Variants in TBC1D15 observed in about 807,000 individuals in gnomAD.
The protein encoded by TBC1D15 is GAP for RAB7.
A neutral mutation model predicts 95.4 loss-of-function variants in TBC1D15; 39 were observed. The observed-to-expected ratio is 0.41, with a 90% confidence interval of 0.32 to 0.53. The LOEUF (loss-of-function observed/expected upper bound fraction) is 0.53, where lower values mean the gene tolerates loss of function less well. Ranked by LOEUF, TBC1D15 falls within the 20% of genes least tolerant of loss-of-function variation. The pLI is 0.29. For synonymous variants in TBC1D15, 258 were observed against 261.3 expected, an observed-to-expected ratio of 0.99 and a Z score of 0.12; for missense variants, 733 against 794.3, an observed-to-expected ratio of 0.92 and a Z score of 0.93.
rs541627199 is a variant in TBC1D15, at chr12:71,885,158, A to G, written c.554+137A>G. 5 of 731,888 alleles carry G rather than the reference A, an allele frequency of 6.8e-6. No individual in the cohort carries two copies. The Admixed American group carries it at 1.1e-4, about 16-fold the overall frequency. The allele number at this position is 731,888 out of a possible 1,614,324, so 45.3% of individuals were successfully genotyped here. On this transcript the variant is annotated intron_variant, in intron 5 of 16. Coordinates refer to ENST00000485960, the MANE Select transcript of TBC1D15 (RefSeq NM_001146213.3). ...TGAACAGCTTAGTTTTTTCTGGGAT[A>G]TTGATTTCTTTGGAACAATGACTGA...
At chr12:71,903,775 G>A (rs1313484544) in intron 10 of TBC1D15, among the ~76,000 whole-genome samples, 1 of 152,168 alleles carries the variant, frequency 6.6e-6, no homozygotes, top group Non-Finnish European at 1.5e-5. Context: ...AATACCACAT[G>A]TTCTCACTAC....
intron 1 of TBC1D15, among the ~76,000 whole-genome samples, chr12:71,870,265 T>C (rs1345955430): frequency 6.6e-6 from 1 of 152,192 alleles, no homozygotes; most frequent in Non-Finnish European, 1.5e-5. Context: ...TCCTTCTCCT[T>C]CCTCTAACAT....
chr12:71,891,805 C>G (rs1394643997), intron 5 of TBC1D15, among the ~76,000 whole-genome samples: 1 of 152,076 alleles, frequency 6.6e-6, no homozygotes, highest in Non-Finnish European at 1.5e-5. Context: ...TTAGTGGCCA[C>G]TGTTTAAGAT....
At position 71,907,005 on chromosome 12, in the gene TBC1D15, A is replaced by T; in HGVS notation, c.1184-17A>T. 1 of 1,513,732 alleles carries T rather than the reference A, an allele frequency of 6.6e-7. No individual in the cohort carries two copies. The highest frequency in any genetic ancestry group is 1.2e-5 in the South Asian group (1 of 82,744). The allele number at this position is 1,513,732 out of a possible 1,614,324, so 93.8% of individuals were successfully genotyped here. On this transcript the variant is annotated splice_polypyrimidine_tract_variant and intron_variant, in intron 10 of 16. Transcript: ENST00000485960. ...TTTTTGGAAGCTTTTCAAATATGTG[A>T]TGATTTTCCTCTTCAGAAAAAGATG...
rs201471598 is a variant in TBC1D15, at chr12:71,907,071, A to G, written c.1233A>G (p.Gln411=). ...TDRTNKFYEG[Q]DNPGLILLHD... ...GAACAAACAAGTTTTATGAAGGCCA[A>G]GATAATCCAGGGTTGATTTTACTTC... Residue 411 remains glutamine, a synonymous_variant, in exon 11 of 17, where the codon CAA becomes CAG. Transcript: ENST00000485960. 1.2e-5 allele frequency: 20 copies of G among 1,612,300 alleles called. No homozygotes were observed. The highest frequency in any genetic ancestry group is 1.7e-5 in the Non-Finnish European group (20 of 1,179,178).
Position 71,897,932 on chromosome 12 carries a change from A to G in TBC1D15, c.1174A>G (p.Ser392Gly). The change falls in exon 10 of 17, where the codon AGT (serine) becomes GGT (glycine). Residue 392 changes from serine to glycine, a missense_variant. Transcript: ENST00000485960. ...AAATTCGAGGTTAAGAGATTATAGAAGTCTTATCGGTAATTTTTTCTTAAC... is the reference window on the plus strand; with the variant it reads ...AAATTCGAGGTTAAGAGATTATAGAGGTCTTATCGGTAATTTTTTCTTAAC... ...KRNSRLRDYRSLIEKDVNRTD... is the reference protein window; with the variant it reads ...KRNSRLRDYRGLIEKDVNRTD... 2 of 1,611,370 alleles carry G rather than the reference A, an allele frequency of 1.2e-6. No individual in the cohort carries two copies. Among genetic ancestry groups the G allele is most frequent in the South Asian group, 1.1e-5 (1 of 90,858 alleles).
At chr12:71,891,159 C>T (rs1015217285) in intron 5 of TBC1D15, among the ~76,000 whole-genome samples, 1 of 152,132 alleles carries the variant, frequency 6.6e-6, no homozygotes. Context: ...ATTGGTCATT[C>T]TCAATAGAAA....
chr12:71,889,978 CT>C (rs1440331618), intron 5 of TBC1D15, among the ~76,000 whole-genome samples: 2 of 152,098 alleles, frequency 1.3e-5, no homozygotes, highest in Non-Finnish European at 2.9e-5. Flanking sequence ...TGGTCTCATT[CT>C]TTTTATGGCT....
intron 1 of TBC1D15, among the ~76,000 whole-genome samples, chr12:71,852,544 A>G (rs186770343): frequency 6.6e-6 from 1 of 152,312 alleles, no homozygotes; most frequent in African/African-American, 2.4e-5. Context: ...CCTTTTAAAT[A>G]TAAGTTCCAG....
At chr12:71,913,240 A>G (rs1334958636) in intron 11 of TBC1D15, 1 of 152,278 alleles carries the variant, frequency 6.6e-6, no homozygotes, top group Non-Finnish European at 1.5e-5. Context: ...AGATATGACT[A>G]TTTAAAAGAG....
chr12:71,922,318 C>G (rs1869707793), intron 16 of TBC1D15, among the ~76,000 whole-genome samples: 1 of 152,056 alleles, frequency 6.6e-6, no homozygotes, highest in South Asian at 2.1e-4. Context: ...TTCCTGACTT[C>G]AGGTGATCCA....
chr12:71,877,009 C>T (rs1893985320), intron 3 of TBC1D15, among the ~76,000 whole-genome samples: 3 of 151,906 alleles, frequency 2.0e-5, no homozygotes, highest in Admixed American at 2.0e-4. Context: ...CAAGGTTTCA[C>T]CATGTTGGCC....
At chr12:71,859,145 A>G (rs537351843) in intron 1 of TBC1D15, among the ~76,000 whole-genome samples, 43 of 151,898 alleles carry the variant, frequency 2.8e-4, no homozygotes, top group African/African-American at 9.9e-4. Flanking sequence ...TGTCATCGTC[A>G]TTTTTAAATG....
chr12:71,870,762 A>G (rs1892496321), intron 1 of TBC1D15, among the ~76,000 whole-genome samples: 1 of 152,180 alleles, frequency 6.6e-6, no homozygotes, highest in Non-Finnish European at 1.5e-5. Flanking sequence ...AGTAGAATGT[A>G]GTTATATAAT....
At chr12:71,910,082 C>A (rs944669758) in intron 11 of TBC1D15, among the ~76,000 whole-genome samples, 13 of 151,974 alleles carry the variant, frequency 8.6e-5, no homozygotes, top group Non-Finnish European at 8.8e-5. Flanking sequence ...CTACATATGG[C>A]TAGCCAGTTT....
intron 13 of TBC1D15, 41 bp downstream of exon 13, chr12:71,917,838 A>G: frequency 2.3e-6 from 3 of 1,284,224 alleles, no homozygotes; most frequent in Non-Finnish European, 3.4e-6. Context: ...CAAATTGTAG[A>G]GTAATGCATA....
intron 5 of TBC1D15, among the ~76,000 whole-genome samples, chr12:71,890,369 T>C (rs1362770193): frequency 2.6e-5 from 4 of 152,192 alleles, no homozygotes; most frequent in Non-Finnish European, 5.9e-5. Context: ...TTCAGCCTCA[T>C]TGGGATGCCA....
chr12:71,850,120 G>C (rs546563943), intron 1 of TBC1D15: 121 of 524,570 alleles, frequency 2.3e-4, no homozygotes, highest in Non-Finnish European at 4.2e-4. Context: ...AGTTATCTCA[G>C]CTTTCAAATA....
chr12:71,917,769 G>A lies in TBC1D15; in HGVS notation c.1473G>A (p.Leu491=), dbSNP rs1172728572. 2 of 1,612,906 alleles carry A rather than the reference G, an allele frequency of 1.2e-6. No individual in the cohort carries two copies. The highest frequency in any genetic ancestry group is 1.3e-5 in the African/African-American group (1 of 75,034). ...TTCAGCTGAGTACCTTACTTCGATTGTTAGACAGTGGATTTTGCAGTTACT... is the reference window on the plus strand; with the variant it reads ...TTCAGCTGAGTACCTTACTTCGATTATTAGACAGTGGATTTTGCAGTTACT... ...QLIQLSTLLR[L]LDSGFCSYLE... is the part of the protein sequence containing the mutation. Residue 491 remains leucine (L), a synonymous_variant, in exon 13 of 17, where the codon TTG becomes TTA. Coordinates refer to ENST00000485960, the MANE Select transcript of TBC1D15 (RefSeq NM_001146213.3).
Sources: gnomAD v4.1 joint callset for allele counts (sites outside exome capture counted in the v4.1 genomes callset) on GRCh38, gnomAD v4.1.1 for gene constraint, MANE v1.5 for transcripts, NCBI Gene and HGNC (gene_info 2026-07-23, HGNC 2026-07-21) for gene names.